The following DAB2IP variants were observed in gnomAD, a reference collection of about 807,000 sequenced individuals.
The protein encoded by DAB2IP is DAB2 interacting protein.
Under a neutral mutation model 107.2 loss-of-function variants are expected in DAB2IP, and 28 were observed. The ratio of observed to expected loss-of-function variants is 0.26; its 90% CI spans 0.19 to 0.36. The LOEUF is 0.36. DAB2IP is among the 10% of genes least tolerant of loss of function. DAB2IP has a pLI of 1.00. For synonymous variants in DAB2IP, 755 were observed against 706.4 expected, an observed-to-expected ratio of 1.07 and a Z score of -1.09; for missense variants, 1,400 against 1,644.7, an observed-to-expected ratio of 0.85 and a Z score of 2.57.
At chr9:121,587,371 G>T (rs1487059551) in intron 1 of DAB2IP, among the ~76,000 whole-genome samples, 2 of 152,312 alleles carry the variant, frequency 1.3e-5, no homozygotes, top group South Asian at 2.1e-4. Flanking sequence ...ACTCTGGGAG[G>T]CTGAGGCGGG....
intron 1 of DAB2IP, among the ~76,000 whole-genome samples, chr9:121,657,377 C>T (rs2119079045): frequency 6.6e-6 from 1 of 152,286 alleles, no homozygotes; most frequent in East Asian, 1.9e-4. Context: ...CCTTCCTGAC[C>T]CACCCTCATC....
At chr9:121,617,666 G>A (rs1314076284) in intron 1 of DAB2IP, among the ~76,000 whole-genome samples, 1 of 152,220 alleles carries the variant, frequency 6.6e-6, no homozygotes, top group Admixed American at 6.5e-5. Context: ...CATGGCCTTC[G>A]GCCTGGTGTT....
At chr9:121,763,241 A>T (rs760553955) in intron 6 of DAB2IP, among the ~76,000 whole-genome samples, 59 of 152,054 alleles carry the variant, frequency 3.9e-4, no homozygotes, top group Non-Finnish European at 6.3e-4. Context: ...TCCACGTGGC[A>T]TGCTCTCATT....
At chr9:121,671,482 A>G (rs1355510266) in intron 1 of DAB2IP, among the ~76,000 whole-genome samples, 1 of 152,242 alleles carries the variant, frequency 6.6e-6, no homozygotes, top group Non-Finnish European at 1.5e-5. Context: ...GGTTCTGGGA[A>G]TTAAGAGTGT....
chr9:121,747,438 C>G (rs1589631726), intron 3 of DAB2IP, among the ~76,000 whole-genome samples: 2 of 151,676 alleles, frequency 1.3e-5, no homozygotes, highest in East Asian at 3.9e-4. Context: ...AGCTCCACCT[C>G]TCAGGTTCAC....
At chr9:121,649,136 C>G (rs562229217), upstream of DAB2IP, among the ~76,000 whole-genome samples, 32 of 152,278 alleles carry the variant, frequency 2.1e-4, 1 homozygote, top group South Asian at 6.4e-3. Context: ...GCCCCAGGCC[C>G]GTGGAGATGC....
At chr9:121,718,511 A>AC (rs1296098223) in intron 3 of DAB2IP, among the ~76,000 whole-genome samples, 1 of 151,868 alleles carries the variant, frequency 6.6e-6, no homozygotes, top group Non-Finnish European at 1.5e-5. Flanking sequence ...ACACTGCATC[A>AC]CCCACTCCCC....
At chr9:121,742,618 G>A (rs768164078) in intron 3 of DAB2IP, among the ~76,000 whole-genome samples, 1 of 152,168 alleles carries the variant, frequency 6.6e-6, no homozygotes, top group Non-Finnish European at 1.5e-5. Flanking sequence ...CCTTGCCCCA[G>A]GAGAAGCTCC....
At chr9:121,602,665 T>C (rs1370215135) in intron 1 of DAB2IP, among the ~76,000 whole-genome samples, 1 of 152,154 alleles carries the variant, frequency 6.6e-6, no homozygotes, top group Non-Finnish European at 1.5e-5. Flanking sequence ...AAGCTCCACC[T>C]CCTGGGTTCA....
intron 1 of DAB2IP, among the ~76,000 whole-genome samples, chr9:121,615,627 CTTTCT>C (rs1489166910): frequency 9.0e-5 from 6 of 67,022 alleles, no homozygotes; most frequent in Admixed American, 2.6e-4. Context: ...AAATAACTTT[CTTTCT>C]TTTTTTTTTT....
intron 3 of DAB2IP, among the ~76,000 whole-genome samples, chr9:121,703,762 G>A (rs1829909820): frequency 1.3e-5 from 2 of 152,150 alleles, no homozygotes; most frequent in Admixed American, 1.3e-4. Context: ...TATTGGTAGG[G>A]TTAAGTCACC....
rs1262259804 is a variant in DAB2IP, at chr9:121,776,780, C to T, written c.3314+389C>T. Among the ~76,000 whole-genome samples the T allele has an allele frequency of 2.0e-5, 3 of 151,950 alleles. No homozygotes were observed. Among genetic ancestry groups the T allele is most frequent in the East Asian group, 1.9e-4 (1 of 5,178 alleles). ...GAAAAGTGGGAATGAGTCTCAGTTA[C>T]GTATAGTAGATGAAGGTGGAAGACA... On this transcript the variant is annotated intron_variant, in intron 14 of 15. Transcript: ENST00000408936. The surrounding 1 kb of genome is among the most constrained non-coding windows in gnomAD (Gnocchi z 5.4).
At chr9:121,677,814 A>T (rs192094676) in intron 1 of DAB2IP, among the ~76,000 whole-genome samples, 10 of 151,860 alleles carry the variant, frequency 6.6e-5, no homozygotes, top group Admixed American at 5.9e-4. Context: ...GGCACACAAC[A>T]CCACACCTGG....
intron 3 of DAB2IP, among the ~76,000 whole-genome samples, chr9:121,711,470 T>G (rs1237376178): frequency 6.6e-6 from 1 of 152,214 alleles, no homozygotes; most frequent in Non-Finnish European, 1.5e-5. Flanking sequence ...GAAGTCAGTT[T>G]TGCTTTGTTT....
chr9:121,780,265 C>T (rs1222590859), intron 14 of DAB2IP, among the ~76,000 whole-genome samples: 1 of 152,182 alleles, frequency 6.6e-6, no homozygotes, highest in East Asian at 1.9e-4. Flanking sequence ...ACCCTCCTGC[C>T]ACCCCACCCC....
intron 1 of DAB2IP, among the ~76,000 whole-genome samples, chr9:121,587,695 T>G (rs991938402): frequency 6.6e-6 from 1 of 151,282 alleles, no homozygotes; most frequent in African/African-American, 2.4e-5. Context: ...AATTGAGGGT[T>G]TGGACAATGG....
chr9:121,567,249 T>G, intron 1 of DAB2IP: 1 of 1,613,934 alleles, frequency 6.2e-7, no homozygotes. Context: ...GCCAGCAAAG[T>G]GCAGAGTTGG....
At chr9:121,692,037 C>T (rs929383841) in intron 2 of DAB2IP, among the ~76,000 whole-genome samples, 5 of 152,158 alleles carry the variant, frequency 3.3e-5, no homozygotes, top group Admixed American at 2.0e-4. Flanking sequence ...TCTTGGAAGC[C>T]GTTAAGAGCT....
intron 1 of DAB2IP, among the ~76,000 whole-genome samples, chr9:121,653,165 GCCTTTAGTACTCCTTGGAGGGAGTA>G (rs1832823031): frequency 2.2e-5 from 2 of 92,502 alleles, no homozygotes; most frequent in Admixed American, 2.1e-4. Flanking sequence ...ACAGTACTAA[GCCTTTAGTACTCCTTGGAGGGAGTA>G]CTAAGCCTTT....
Sources: gnomAD v4.1 joint callset for allele counts (sites outside exome capture counted in the v4.1 genomes callset) on GRCh38, gnomAD v4.1.1 for gene constraint, Gnocchi (gnomAD v3.1) non-coding constraint, MANE v1.5 for transcripts, NCBI Gene and HGNC (gene_info 2026-07-23, HGNC 2026-07-21) for gene names.